Variants in NHERF2 observed in about 807,000 individuals in gnomAD.
The protein encoded by NHERF2 is Na(+)/H(+) exchange regulatory cofactor NHE-RF2.
chr16:2,033,138 C>G, the NHERF2 span: 22 of 1,412,126 alleles, frequency 1.6e-5, no homozygotes, highest in Non-Finnish European at 2.0e-5. Flanking sequence ...GGAAGCCTAG[C>G]TGGGTGGGGG....
chr16:2,035,874 G>A, the NHERF2 span: 17 of 189,738 alleles, frequency 9.0e-5, no homozygotes, highest in African/African-American at 1.4e-4. Flanking sequence ...CCAGCCCCAC[G>A]GAGGCCTCTG....
At chr16:2,026,969 G>T in the NHERF2 span, 3 of 930,428 alleles carry the variant, frequency 3.2e-6, no homozygotes, top group Non-Finnish European at 2.6e-6. Flanking sequence ...GCTCCCCCGC[G>T]CCCCTGCCCG....
At chr16:2,032,933 G>A in the NHERF2 span, 2 of 1,086,326 alleles carry the variant, frequency 1.8e-6, no homozygotes, top group Admixed American at 9.9e-5. This position sits in a 1 kb window ranked among gnomAD's most constrained non-coding sequence, Gnocchi z 4.0. Flanking sequence ...AGGGGTGACA[G>A]TTCTGCGGGA....
the NHERF2 span, chr16:2,037,754 T>C: frequency 6.5e-7 from 1 of 1,549,928 alleles, no homozygotes; most frequent in Non-Finnish European, 8.7e-7. Context: ...GGTTGCTCCC[T>C]AGGAGGGGCC....
chr16:2,032,025 T>C, the NHERF2 span, among the ~76,000 whole-genome samples: 2 of 107,402 alleles, frequency 1.9e-5, no homozygotes, highest in African/African-American at 5.6e-5. This position sits in a 1 kb window ranked among gnomAD's most constrained non-coding sequence, Gnocchi z 4.0. Context: ...TTTCTTTCTT[T>C]TTTTTTTTTT....
the NHERF2 span, chr16:2,027,102 G>A: frequency 2.7e-6 from 4 of 1,465,502 alleles, no homozygotes; most frequent in African/African-American, 4.4e-5. Context: ...GGGCCGCCGC[G>A]GGCAGTTCAT....
At chr16:2,037,639 T>TGCTA in the NHERF2 span, 1 of 1,603,604 alleles carries the variant, frequency 6.2e-7, no homozygotes. Flanking sequence ...CACGTGGGGT[T>TGCTA]GCTAGAGGCC....
the NHERF2 span, chr16:2,032,975 G>T: frequency 8.9e-7 from 1 of 1,122,846 alleles, no homozygotes; most frequent in African/African-American, 1.7e-5. This position sits in a 1 kb window ranked among gnomAD's most constrained non-coding sequence, Gnocchi z 4.0. Context: ...CGGTGCCTGC[G>T]GGGGCTTCCG....
At chr16:2,026,925 A>G in the NHERF2 span, 1 of 477,038 alleles carries the variant, frequency 2.1e-6, no homozygotes, top group Middle Eastern at 1.1e-3. Context: ...CGCTGAAGCC[A>G]CCGCCGGGTG....
At chr16:2,033,312 C>T in the NHERF2 span, 42 of 1,532,748 alleles carry the variant, frequency 2.7e-5, no homozygotes, top group African/African-American at 1.1e-4. Context: ...CAGGCCACCC[C>T]GGCCGGACGC....
chr16:2,037,580 G>C, the NHERF2 span: 1 of 1,612,874 alleles, frequency 6.2e-7, no homozygotes. Flanking sequence ...TGACCTGCCT[G>C]GTTCCGACAA....
chr16:2,027,823 C>T, the NHERF2 span, among the ~76,000 whole-genome samples: 1 of 152,192 alleles, frequency 6.6e-6, no homozygotes, highest in Non-Finnish European at 1.5e-5. Flanking sequence ...TCATCACTGT[C>T]TGCAGGCCGG....
At chr16:2,029,086 C>T in the NHERF2 span, among the ~76,000 whole-genome samples, 8 of 152,160 alleles carry the variant, frequency 5.3e-5, no homozygotes, top group African/African-American at 1.7e-4. Context: ...CCACACTGCA[C>T]GGCAGAGAAT....
At chr16:2,036,230 G>A in the NHERF2 span, 3 of 1,316,276 alleles carry the variant, frequency 2.3e-6, no homozygotes, top group Non-Finnish European at 3.1e-6. Flanking sequence ...GGGGGGCACG[G>A]TACCGAGTTT....
At chr16:2,038,331 G>A in the NHERF2 span, 1 of 500,220 alleles carries the variant, frequency 2.0e-6, no homozygotes, top group Non-Finnish European at 3.8e-6. Flanking sequence ...TGACTGAAAG[G>A]AATTTGTGTT....
chr16:2,034,920 G>A, the NHERF2 span, among the ~76,000 whole-genome samples: 7 of 152,240 alleles, frequency 4.6e-5, no homozygotes, highest in African/African-American at 1.7e-4. Flanking sequence ...CCCCACGCCT[G>A]TGCCACCAGG....
the NHERF2 span, chr16:2,029,857 G>C: frequency 7.5e-7 from 1 of 1,327,172 alleles, no homozygotes; most frequent in East Asian, 2.5e-5. Flanking sequence ...GACGATCTTT[G>C]CCTTTGGTCA....
the NHERF2 span, chr16:2,037,419 C>G: frequency 1.0e-6 from 1 of 994,632 alleles, no homozygotes; most frequent in Non-Finnish European, 1.6e-6. Flanking sequence ...ACCAGAGGCC[C>G]GAGGCCCCCT....
chr16:2,029,265 A>G, the NHERF2 span, among the ~76,000 whole-genome samples: 1 of 152,346 alleles, frequency 6.6e-6, no homozygotes, highest in Non-Finnish European at 1.5e-5. Flanking sequence ...ACTTCCAGAC[A>G]GGACTTACCC....
Sources: allele counts gnomAD v4.1 joint callset (sites outside exome capture counted in the v4.1 genomes callset), GRCh38; gene constraint gnomAD v4.1.1; non-coding constraint Gnocchi (gnomAD v3.1); transcripts MANE v1.5; gene names NCBI Gene and HGNC (gene_info 2026-07-23, HGNC 2026-07-21).